The following SPIRE1 variants were observed in gnomAD, a reference collection of about 807,000 sequenced individuals.
SPIRE1 encodes the protein protein spire homolog 1.
SPIRE1 carries 40 observed loss-of-function variants against 94.1 expected under a neutral mutation model. That is an observed-to-expected ratio of 0.43 (90% confidence interval 0.33 to 0.55). The LOEUF is 0.55. Among genes scored for constraint, SPIRE1 ranks in the 20% least tolerant of loss-of-function variants. The probability of loss-of-function intolerance (pLI) is 0.06; values close to 1 mark genes in which losing one functional copy is unlikely to be tolerated. For missense variants in SPIRE1, 838 were observed against 975.2 expected (o/e 0.86, Z 1.87); for synonymous variants, 376 against 371.7 (o/e 1.01, Z -0.13).
intron 2 of SPIRE1, among the ~76,000 whole-genome samples, chr18:12,602,738 T>G (rs1206558509): frequency 6.6e-6 from 1 of 152,182 alleles, no homozygotes; most frequent in Non-Finnish European, 1.5e-5. Flanking sequence ...CCTTTCCTAC[T>G]GTGAAACAAG....
At chr18:12,568,029 C>G (rs114461417) in intron 2 of SPIRE1, among the ~76,000 whole-genome samples, 1 of 152,266 alleles carries the variant, frequency 6.6e-6, no homozygotes, top group South Asian at 2.1e-4. Context: ...CCATTTGGCT[C>G]CTGCCACCCT....
At chr18:12,504,642 A>G (rs1369526763) in intron 6 of SPIRE1, among the ~76,000 whole-genome samples, 1 of 152,198 alleles carries the variant, frequency 6.6e-6, no homozygotes, top group Non-Finnish European at 1.5e-5. Flanking sequence ...CACAGTATTC[A>G]GTATTTGGTT....
intron 4 of SPIRE1, among the ~76,000 whole-genome samples, chr18:12,519,196 T>TA (rs1317785940): frequency 6.6e-6 from 1 of 152,218 alleles, no homozygotes; most frequent in African/African-American, 2.4e-5. Flanking sequence ...CTGTACTACT[T>TA]AATTCGAATT....
At chr18:12,624,249 AAC>A (rs1442659093) in intron 2 of SPIRE1, among the ~76,000 whole-genome samples, 55 of 150,976 alleles carry the variant, frequency 3.6e-4, no homozygotes, top group African/African-American at 1.2e-3. Flanking sequence ...AAAAAAAAAA[AAC>A]ATTCTACATG....
chr18:12,549,468 T>C lies in SPIRE1; in HGVS notation c.373-2564A>G, dbSNP rs1320698106. Among the ~76,000 whole-genome samples, 2 of 126,286 alleles carry C rather than the reference T, an allele frequency of 1.6e-5. 1 individual carries two copies. Among genetic ancestry groups the C allele is most frequent in the East Asian group, 4.2e-4 (2 of 4,706 alleles). The allele number at this position is 126,286 out of a possible 152,430, so 82.8% of individuals were successfully genotyped here. A position where few individuals can be genotyped will look rare whatever the true frequency, so the allele number is the denominator to read the frequency against. ...TTTTTTTTTTTTTTTTTTTTTTTTT[T>C]TGGAGACAGAGTCTTGCTCTGTCAC... On this transcript the variant is annotated intron_variant, in intron 2 of 16. Coordinates refer to ENST00000409402, the MANE Select transcript of SPIRE1 (RefSeq NM_001128626.2).
chr18:12,625,438 T>C (rs1344511989), intron 2 of SPIRE1, among the ~76,000 whole-genome samples: 2 of 152,226 alleles, frequency 1.3e-5, no homozygotes, highest in Admixed American at 6.5e-5. Context: ...TCTTTGACAA[T>C]ACATTTCATC....
At chr18:12,624,309 G>A (rs1159544716) in intron 2 of SPIRE1, among the ~76,000 whole-genome samples, 1 of 151,778 alleles carries the variant, frequency 6.6e-6, no homozygotes, top group African/African-American at 2.4e-5. Context: ...TTGGGAGGCT[G>A]AGGCGGGTGG....
chr18:12,466,664 G>A (rs1020685636), intron 10 of SPIRE1, among the ~76,000 whole-genome samples: 2 of 152,032 alleles, frequency 1.3e-5, no homozygotes, highest in Admixed American at 1.3e-4. Context: ...ATTTTTTGAT[G>A]TTCTTAGCTA....
intron 3 of SPIRE1, among the ~76,000 whole-genome samples, chr18:12,537,779 A>T (rs2034885077): frequency 6.6e-6 from 1 of 152,246 alleles, no homozygotes; most frequent in South Asian, 2.1e-4. Context: ...AAAAATGCTA[A>T]GAAATAAATT....
chr18:12,495,026 G>A (rs142333775), intron 7 of SPIRE1, among the ~76,000 whole-genome samples: 199 of 145,586 alleles, frequency 1.4e-3, no homozygotes, highest in Admixed American at 3.4e-3. Flanking sequence ...CTCCAGCCTG[G>A]GCGACAAAGT....
upstream of SPIRE1, among the ~76,000 whole-genome samples, chr18:12,659,064 GAT>G (rs2038640971): frequency 6.6e-6 from 1 of 152,138 alleles, no homozygotes; most frequent in Non-Finnish European, 1.5e-5. Flanking sequence ...CAATAAAACA[GAT>G]AATTCTTAAT....
intron 2 of SPIRE1, among the ~76,000 whole-genome samples, chr18:12,621,033 G>A (rs2037451643): frequency 6.6e-6 from 1 of 152,188 alleles, no homozygotes; most frequent in South Asian, 2.1e-4. Flanking sequence ...CTAGCCTGGT[G>A]AGAGAGCGAG....
rs1307726109 is a variant in SPIRE1 at position 12,572,855 on chromosome 18, T to C, written c.373-25951A>G. Among the ~76,000 whole-genome samples the C allele has an allele frequency of 3.3e-5, 5 of 152,268 alleles. No homozygotes were observed. The East Asian group carries it at 7.7e-4, about 24-fold the overall frequency. On this transcript the variant is annotated intron_variant, in intron 2 of 16. Transcript: ENST00000409402. ...ACAAGTAAAAATATGAATCTAGACA[T>C]GGACCTTAAACCTTTCACAAAAATT...
chr18:12,451,866 T>A (rs77280534), intron 16 of SPIRE1, among the ~76,000 whole-genome samples: 184 of 152,360 alleles, frequency 1.2e-3, no homozygotes, highest in Non-Finnish European at 2.1e-3. Context: ...GTCAAAGCTA[T>A]GGCAGAACAT....
At chr18:12,600,880 A>C (rs115450289) in intron 2 of SPIRE1, among the ~76,000 whole-genome samples, 1 of 151,838 alleles carries the variant, frequency 6.6e-6, no homozygotes, top group Non-Finnish European at 1.5e-5. Flanking sequence ...ACGCAACCAC[A>C]CCCAACTAAT....
At position 12,449,725 on chromosome 18, in the gene SPIRE1, T is replaced by G. The variant is rs771927305; in HGVS notation, c.2184A>C (p.Arg728=). ...AGAAAGACTGCGTTTTCCTTTTCAA[T>G]CGGGCCCTTTTGTTGGCCAACACCA... is the stretch of plus-strand genomic sequence containing the variant. ...RSLVLANKRA[R]LKRKTQSFYM... The change falls in exon 17 of 17, where the codon CGA becomes CGC. Residue 728 remains arginine (R), a synonymous_variant. Coordinates refer to ENST00000409402, the MANE Select transcript of SPIRE1 (RefSeq NM_001128626.2). 1.9e-6 allele frequency: 3 copies of G among 1,613,990 alleles called. No individual in the cohort carries two copies. Among genetic ancestry groups the G allele is most frequent in the Non-Finnish European group, 2.5e-6 (3 of 1,180,016 alleles).
In SPIRE1 at chr18:12,559,466, C is replaced by T. The variant is rs1278477215; in HGVS notation, c.373-12562G>A. Among the ~76,000 whole-genome samples, 1 of 152,194 alleles carries T rather than the reference C, an allele frequency of 6.6e-6. No homozygotes were observed. Among genetic ancestry groups the T allele is most frequent in the East Asian group, 1.9e-4 (1 of 5,184 alleles). On this transcript the variant is annotated intron_variant, in intron 2 of 16. Transcript: ENST00000409402. The surrounding 1 kb of genome is among the most constrained non-coding windows in gnomAD (Gnocchi z 4.7). The stretch of plus-strand genomic sequence containing the variant: ...GCAGCCCTGGTTGCCACCCGCGCCT[C>T]TCCCTCCACACCTCCCTGCAAGCAG...
At chr18:12,552,309 G>C (rs2035374145) in intron 2 of SPIRE1, among the ~76,000 whole-genome samples, 1 of 152,184 alleles carries the variant, frequency 6.6e-6, no homozygotes, top group South Asian at 2.1e-4. Flanking sequence ...ACACCAGCCA[G>C]GATGGCTAAA....
intron 2 of SPIRE1, among the ~76,000 whole-genome samples, chr18:12,632,207 G>A (rs2037800254): frequency 6.6e-6 from 1 of 152,140 alleles, no homozygotes; most frequent in African/African-American, 2.4e-5. Context: ...CAGATCCCCT[G>A]AGAGGGTCTC....
Sources: gnomAD v4.1 joint callset for allele counts (sites outside exome capture counted in the v4.1 genomes callset) on GRCh38, gnomAD v4.1.1 for gene constraint, Gnocchi (gnomAD v3.1) non-coding constraint, MANE v1.5 for transcripts, NCBI Gene and HGNC (gene_info 2026-07-23, HGNC 2026-07-21) for gene names.